Variants in COL15A1 observed in about 807,000 individuals in gnomAD.
COL15A1 encodes collagen alpha-1(XV) chain.
In COL15A1, 111 loss-of-function variants were observed where a neutral mutation model predicts 165.9. That is an observed-to-expected ratio of 0.67 (90% CI 0.57 to 0.78). COL15A1 has a LOEUF of 0.78. Ranked by LOEUF, COL15A1 falls within the 30% of genes least tolerant of loss-of-function variation. COL15A1 has a pLI of 0.00. For synonymous variants in COL15A1, 659 were observed against 674.8 expected (o/e 0.98, Z 0.36); for missense variants, 1,745 against 1,789.7 (o/e 0.98, Z 0.45).
chr9:99,058,431 G>A (rs368628043), intron 35 of COL15A1, among the ~76,000 whole-genome samples: 3 of 152,124 alleles, frequency 2.0e-5, no homozygotes, highest in African/African-American at 4.8e-5. Flanking sequence ...AGAAGGTGCC[G>A]AGTGTATGGA....
At chr9:98,967,114 G>A (rs1837970695) in intron 2 of COL15A1, among the ~76,000 whole-genome samples, 1 of 152,216 alleles carries the variant, frequency 6.6e-6, no homozygotes, top group Non-Finnish European at 1.5e-5. Context: ...AGATGAAACA[G>A]AACATGCTAC....
chr9:99,016,804 G>T (rs942818566), intron 11 of COL15A1, among the ~76,000 whole-genome samples: 15 of 152,186 alleles, frequency 9.9e-5, no homozygotes, highest in African/African-American at 3.6e-4. Context: ...ATCAGCATTG[G>T]CTCATCAGTT....
At chr9:99,004,701 G>A (rs1264846516) in intron 8 of COL15A1, among the ~76,000 whole-genome samples, 197 bp from the exon 9 acceptor site, 5 of 152,146 alleles carry the variant, frequency 3.3e-5, no homozygotes, top group African/African-American at 7.2e-5. Flanking sequence ...GTGGGATGCT[G>A]GGGTGGTCTC....
At chr9:98,979,016 T>C (rs1369044317) in intron 2 of COL15A1, among the ~76,000 whole-genome samples, 1 of 152,206 alleles carries the variant, frequency 6.6e-6, no homozygotes, top group Non-Finnish European at 1.5e-5. Context: ...TCTGTTTTTA[T>C]ATAGTACATC....
rs1271737017 is a variant in COL15A1, at chr9:99,055,146, T to A, written c.3076T>A (p.Leu1026Met). ...TTACCTGAGACACTTTCTGAACAAC[T>A]TGAAGGTGAGTATTTCTCTACCAAT... ...LAYLRHFLNN[L>M]KGENGDKGFK... Residue 1026 changes from leucine (L) to methionine (M), a missense_variant, in exon 33 of 42, where the codon TTG becomes ATG. By Grantham distance (15) the Leu-to-Met change is conservative (BLOSUM62 2). Transcript: ENST00000375001. 6.2e-7 allele frequency: 1 copy of A among 1,613,146 alleles called. No homozygotes were observed. The highest frequency in any genetic ancestry group is 8.5e-7 in the Non-Finnish European group (1 of 1,179,054).
chr9:99,005,110 C>G, intron 9 of COL15A1, 60 bp downstream of exon 9: 1 of 1,487,268 alleles, frequency 6.7e-7, no homozygotes, highest in Non-Finnish European at 9.0e-7. Flanking sequence ...CTGACCTTCT[C>G]AGAGTGTGGG....
intron 9 of COL15A1, among the ~76,000 whole-genome samples, chr9:99,008,186 T>G (rs914208424): frequency 2.0e-5 from 3 of 152,108 alleles, no homozygotes; most frequent in Non-Finnish European, 4.4e-5. Context: ...CTTTAAGGCC[T>G]TAAGGACAGC....
At chr9:98,998,208 G>A (rs1474381627) in intron 6 of COL15A1, among the ~76,000 whole-genome samples, 1 of 152,188 alleles carries the variant, frequency 6.6e-6, no homozygotes, top group Non-Finnish European at 1.5e-5. Flanking sequence ...TCTCTGAGTG[G>A]TAGGATTATG....
At chr9:99,014,498 C>G (rs1047780604) in intron 9 of COL15A1, among the ~76,000 whole-genome samples, 11 of 152,146 alleles carry the variant, frequency 7.2e-5, no homozygotes, top group African/African-American at 2.7e-4. Context: ...TAGGCCTCAG[C>G]AAATTGTCCT....
At chr9:99,041,047 T>C (rs998798849) in intron 23 of COL15A1, 2 of 165,582 alleles carry the variant, frequency 1.2e-5, no homozygotes, top group African/African-American at 4.8e-5. Context: ...CACACTTTCC[T>C]CTAAATGAGT....
intron 36 of COL15A1, among the ~76,000 whole-genome samples, chr9:99,061,091 A>G (rs1413298): frequency 0.35 from 53,497 of 152,022 alleles, 9,817 homozygotes; most frequent in East Asian, 0.62. Context: ...CAAATACTTC[A>G]CAAGGATGTC....
intron 39 of COL15A1, 67 bp from the exon 40 acceptor site, chr9:99,066,815 G>A: frequency 1.4e-6 from 2 of 1,426,830 alleles, no homozygotes; most frequent in South Asian, 2.6e-5. Flanking sequence ...GCAGGAATGT[G>A]AGATGGTTCT....
chr9:99,017,420 G>T (rs929344502), intron 11 of COL15A1, among the ~76,000 whole-genome samples: 1 of 152,198 alleles, frequency 6.6e-6, no homozygotes, highest in Admixed American at 6.5e-5. Flanking sequence ...TGGACTGGGG[G>T]CCAGGAGTTC....
chr9:99,004,324 T>C lies in COL15A1; in HGVS notation c.1201-574T>C, dbSNP rs1838719009. On this transcript the variant is annotated intron_variant, in intron 8 of 41. Transcript: ENST00000375001. ...GGTGAGTGGTGGTGCCAGCCTGCCC[T>C]GGGATGTGGCCAACAATGTCAGATC... Among the ~76,000 whole-genome samples the C allele has an allele frequency of 2.6e-5, 4 of 152,122 alleles. No individual in the cohort carries two copies. In the South Asian group the frequency reaches 6.2e-4, roughly 24 times the overall value.
rs1838559526 is a variant in COL15A1, at chr9:98,997,031, C to T, written c.902C>T (p.Thr301Ile). ...ELSGEPVPEGTLETTNMSIIQ... is the reference protein window; with the variant it reads ...ELSGEPVPEGILETTNMSIIQ... ...TCTGGTGAACCTGTACCCGAGGGGA[C>T]CCTGGAAACCACCAACATGAGCATC... is the stretch of plus-strand genomic sequence containing the variant. Residue 301 changes from threonine (T) to isoleucine (I), a missense_variant, in exon 6 of 42, where the codon ACC becomes ATC. Transcript: ENST00000375001. The T allele has an allele frequency of 6.2e-7, 1 of 1,614,066 alleles. No homozygotes were observed. The highest frequency in any genetic ancestry group is 8.5e-7 in the Non-Finnish European group (1 of 1,180,042).
chr9:98,964,234 GGAGGTGTC>G (rs1837917408), intron 2 of COL15A1, among the ~76,000 whole-genome samples: 1 of 128,338 alleles, frequency 7.8e-6, no homozygotes, highest in Non-Finnish European at 1.6e-5. Flanking sequence ...TCTCTAGTTA[GGAGGTGTC>G]CACTGGGTTT....
At chr9:99,031,886 G>A (rs1298219484) in intron 16 of COL15A1, among the ~76,000 whole-genome samples, 1 of 152,110 alleles carries the variant, frequency 6.6e-6, no homozygotes, top group Non-Finnish European at 1.5e-5. Context: ...TATTTTCACA[G>A]ACTGTCTGTA....
chr9:99,039,607 C>T (rs1839365583), intron 22 of COL15A1, among the ~76,000 whole-genome samples: 1 of 152,236 alleles, frequency 6.6e-6, no homozygotes. Context: ...AAGCTTCCTC[C>T]TACAGCCTGT....
intron 41 of COL15A1, 101 bp downstream of exon 41, chr9:99,068,771 C>T: frequency 2.8e-6 from 2 of 718,368 alleles, no homozygotes; most frequent in Non-Finnish European, 4.6e-6. Context: ...AGGATATTGC[C>T]AACATAAAGC....
Sources: gnomAD v4.1 joint callset for allele counts (sites outside exome capture counted in the v4.1 genomes callset) on GRCh38, gnomAD v4.1.1 for gene constraint, MANE v1.5 for transcripts, NCBI Gene and HGNC (gene_info 2026-07-23, HGNC 2026-07-21) for gene names.